S100A12: variants seen among roughly 807,000 people sequenced by gnomAD.
The protein encoded by S100A12 is protein S100-A12.
Under a neutral mutation model 4.0 loss-of-function variants are expected in S100A12, and 3 were observed. The ratio of observed to expected loss-of-function variants is 0.75; its 90% confidence interval spans 0.34 to 1.94. The LOEUF (loss-of-function observed/expected upper bound fraction) is 1.94. Among genes scored for constraint, S100A12 ranks in the 30% most tolerant of loss-of-function variants. The pLI is 0.07. For synonymous variants in S100A12, 50 were observed against 41.4 expected, an observed-to-expected ratio of 1.21 and a Z score of -0.79; for missense variants, 122 against 107.0, an observed-to-expected ratio of 1.14 and a Z score of -0.62.
intron 1 of S100A12, among the ~76,000 whole-genome samples, chr1:153,375,257 C>A (rs1328168204): frequency 6.6e-6 from 1 of 152,080 alleles, no homozygotes; most frequent in Non-Finnish European, 1.5e-5. Flanking sequence ...ACCATGTTAG[C>A]CAGGATGGTC....
intron 2 of S100A12, 115 bp from the exon 3 acceptor site, chr1:153,374,082 A>C (rs1445799645): frequency 2.1e-6 from 2 of 941,688 alleles, no homozygotes; most frequent in Non-Finnish European, 3.5e-6. Flanking sequence ...TTAACTCATT[A>C]GCCAACACTG....
chr1:153,374,106 A>G (rs1661679347), intron 2 of S100A12, 139 bp from the exon 3 acceptor site: 4 of 843,284 alleles, frequency 4.7e-6, no homozygotes, highest in South Asian at 1.4e-5. Context: ...TGGAGAATCC[A>G]GTGTAACAAA....
Position 153,373,864 on chromosome 1 carries a change from G to T in S100A12, c.242C>A (p.Ala81Glu), listed in dbSNP as rs141106646. The T allele has an allele frequency of 1.2e-6, 2 of 1,612,844 alleles. No individual in the cohort carries two copies. The highest frequency in any genetic ancestry group is 1.7e-6 in the Non-Finnish European group (2 of 1,178,832). The change falls in exon 3 of 3, where the codon GCG (alanine) becomes GAG (glutamate). Residue 81 changes from alanine (A) to glutamate (E), a missense_variant. Physicochemically the swap from Ala to Glu is moderately radical, Grantham distance 107. Transcript: ENST00000368737. ...FQEFISLVAIALKAAHYHTHK... is the reference protein window; with the variant it reads ...FQEFISLVAIELKAAHYHTHK... The stretch of plus-strand genomic sequence containing the variant: ...GGTGTGGTAATGGGCAGCCTTCAGC[G>T]CAATGGCTACCAGGGATATGAATTC...
rs374656868 is a variant in S100A12 at position 153,374,428 on chromosome 1, G to T, written c.138+27C>A. 155 of 1,603,876 alleles carry T rather than the reference G, an allele frequency of 9.7e-5. 1 individual carries two copies. Among genetic ancestry groups the T allele is most frequent in the Middle Eastern group, 9.4e-4 (5 of 5,322 alleles). On this transcript the variant is annotated intron_variant, in intron 2 of 2. Transcript: ENST00000368737. ...CCCCTCAGTGCAGGGTCATGGGCAA[G>T]TTTGCAGTGAGAGGGGCATCACCTA...
At chr1:153,374,324 G>A in intron 2 of S100A12, 131 bp downstream of exon 2, 1 of 806,068 alleles carries the variant, frequency 1.2e-6, no homozygotes. Context: ...GCAGCGGGGA[G>A]AGCATCCTTT....
In S100A12 at chr1:153,374,459, A is replaced by G; in HGVS notation, c.134T>C (p.Ile45Thr). The change falls in exon 2 of 3, where the codon ATC (isoleucine) becomes ACC (threonine). Residue 45 changes from isoleucine to threonine, a missense_variant. Transcript: ENST00000368737. ...QLLTKELANTIKNIKDKAVID... is the reference protein window; with the variant it reads ...QLLTKELANTTKNIKDKAVID... ...AGTGAGAGGGGCATCACCTACCTTG[A>G]TGGTGTTTGCAAGCTCCTTTGTAAG... 1 of 1,612,956 alleles carries G rather than the reference A, an allele frequency of 6.2e-7. No individual in the cohort carries two copies. Among genetic ancestry groups the G allele is most frequent in the Non-Finnish European group, 8.5e-7 (1 of 1,179,472 alleles).
chr1:153,374,361 C>A, intron 2 of S100A12, 94 bp downstream of exon 2: 3 of 1,339,432 alleles, frequency 2.2e-6, no homozygotes, highest in Non-Finnish European at 2.1e-6. Flanking sequence ...GCCAACCCCA[C>A]CCCAGTCCTT....
At position 153,375,017 on chromosome 1, in the gene S100A12, T is replaced by G. The variant is rs3014884; in HGVS notation, c.-20-405A>C. On this transcript the variant is annotated intron_variant, in intron 1 of 2. Transcript: ENST00000368737. ...CCCACCCCTGCTTAGCCATTCTTTT[T>G]TTGTTGTTGTTGTTTTGGGTTTTTT... Among the ~76,000 whole-genome samples, 1,416 of 152,038 alleles carry G rather than the reference T, an allele frequency of 9.3e-3. 24 individuals carry two copies. The highest frequency in any genetic ancestry group is 0.03 in the African/African-American group (1,248 of 41,482).
intron 2 of S100A12, 192 bp from the exon 3 acceptor site, chr1:153,374,159 G>C (rs762943792): frequency 6.3e-5 from 45 of 717,050 alleles, no homozygotes; most frequent in Non-Finnish European, 9.2e-5. Flanking sequence ...AATTAACAAG[G>C]CTTGACCTGG....
chr1:153,374,596 C>T lies in S100A12; in HGVS notation c.-4G>A, dbSNP rs746056222. The T allele has an allele frequency of 1.2e-6, 2 of 1,613,088 alleles. No individual in the cohort carries two copies. Among genetic ancestry groups the T allele is most frequent in the East Asian group, 4.5e-5 (2 of 44,868 alleles). ...GATGCTCTTCAAGTTTTGTCATCTT[C>T]CCAGCCTAATGTTAACCTTCAAGGA... is the stretch of plus-strand genomic sequence containing the variant. On this transcript the variant is annotated 5_prime_UTR_variant, in exon 2 of 3. Transcript: ENST00000368737.
rs772113490 is a variant in S100A12 at position 153,374,509 on chromosome 1, G to C, written c.84C>G (p.Leu28=). 1 of 1,613,264 alleles carries C rather than the reference G, an allele frequency of 6.2e-7. No homozygotes were observed. The change falls in exon 2 of 3, where the codon CTC becomes CTG. Residue 28 remains leucine, a synonymous_variant. Transcript: ENST00000368737. Reference sequence around the variant, plus strand: ...GCAGCTGCTTCAGCTCACCCTTAGAGAGGGTGTCAAAATGCCCCTTCCGAA... The same window carrying C: ...GCAGCTGCTTCAGCTCACCCTTAGACAGGGTGTCAAAATGCCCCTTCCGAA... ...YSVRKGHFDT[L]SKGELKQLLT...
chr1:153,374,557 G>T lies in S100A12; in HGVS notation c.36C>A (p.Val12=). The change falls in exon 2 of 3, where the codon GTC becomes GTA. Residue 12 remains valine, a synonymous_variant. Coordinates refer to ENST00000368737, the MANE Select transcript of S100A12 (RefSeq NM_005621.2). ...GAACTGAGTATTGGTGGAAGATATT[G>T]ACAATTCCCTCCAGATGCTCTTCAA... ...TKLEEHLEGI[V]NIFHQYSVRK... is the part of the protein sequence containing the mutation. 2 of 1,613,820 alleles carry T rather than the reference G, an allele frequency of 1.2e-6. No individual in the cohort carries two copies. The highest frequency in any genetic ancestry group is 1.1e-5 in the South Asian group (1 of 91,056).
At chr1:153,374,988 A>G (rs76889430) in intron 1 of S100A12, among the ~76,000 whole-genome samples, 550 of 152,288 alleles carry the variant, frequency 3.6e-3, no homozygotes, top group Admixed American at 4.9e-3. Flanking sequence ...CAAATGGTCC[A>G]TAACCCACCC....
At chr1:153,374,762 C>T in intron 1 of S100A12, 150 bp from the exon 2 acceptor site, 1 of 619,818 alleles carries the variant, frequency 1.6e-6, no homozygotes, top group Non-Finnish European at 2.9e-6. Flanking sequence ...CCATGGTGAA[C>T]TTCTCATGTG....
intron 1 of S100A12, among the ~76,000 whole-genome samples, chr1:153,375,291 G>C (rs372247364): frequency 1.3e-5 from 2 of 151,922 alleles, no homozygotes; most frequent in Non-Finnish European, 2.9e-5. Flanking sequence ...CTCATGATCC[G>C]CCCGCCTCGG....
At chr1:153,374,953 TG>T (rs1229443701) in intron 1 of S100A12, among the ~76,000 whole-genome samples, 1 of 152,246 alleles carries the variant, frequency 6.6e-6, no homozygotes, top group African/African-American at 2.4e-5. Context: ...CCTCAGGTGA[TG>T]GCACTATGGC....
At position 153,373,899 on chromosome 1, in the gene S100A12, G is replaced by C. The variant is rs1462781468; in HGVS notation, c.207C>G (p.Val69=). The stretch of plus-strand genomic sequence containing the variant: ...CCAGGGATATGAATTCTTGAAAGTC[G>C]ACCTGTTCATCTTGATTAGCATCCA... The part of the protein sequence containing the change: ...QGLDANQDEQ[V]DFQEFISLVA... Residue 69 remains valine, a synonymous_variant, in exon 3 of 3, where the codon GTC becomes GTG. Coordinates refer to ENST00000368737, the MANE Select transcript of S100A12 (RefSeq NM_005621.2). The C allele has an allele frequency of 1.9e-6, 3 of 1,611,986 alleles. No homozygotes were observed. Among genetic ancestry groups the C allele is most frequent in the African/African-American group, 1.3e-5 (1 of 74,840 alleles).
chr1:153,374,743 CTGTT>C, intron 1 of S100A12, 131 bp from the exon 2 acceptor site: 1 of 647,782 alleles, frequency 1.5e-6, no homozygotes, highest in East Asian at 2.6e-5. Context: ...GGTCTCTGCT[CTGTT>C]TGATCCATGG....
chr1:153,374,557 G>A lies in S100A12; in HGVS notation c.36C>T (p.Val12=), dbSNP rs752323532. The A allele has an allele frequency of 6.2e-7, 1 of 1,613,820 alleles. No individual in the cohort carries two copies. Among genetic ancestry groups the A allele is most frequent in the Non-Finnish European group, 8.5e-7 (1 of 1,179,724 alleles). The change falls in exon 2 of 3, where the codon GTC becomes GTT. Residue 12 remains valine (V), a synonymous_variant. Coordinates refer to ENST00000368737, the MANE Select transcript of S100A12 (RefSeq NM_005621.2). ...TKLEEHLEGI[V]NIFHQYSVRK... is the part of the protein sequence containing the mutation. Reference sequence around the variant, plus strand: ...GAACTGAGTATTGGTGGAAGATATTGACAATTCCCTCCAGATGCTCTTCAA... The same window carrying A: ...GAACTGAGTATTGGTGGAAGATATTAACAATTCCCTCCAGATGCTCTTCAA...
Sources: gnomAD v4.1 joint callset for allele counts (sites outside exome capture counted in the v4.1 genomes callset) on GRCh38, gnomAD v4.1.1 for gene constraint, MANE v1.5 for transcripts, NCBI Gene and HGNC (gene_info 2026-07-23, HGNC 2026-07-21) for gene names.